The following PLA2G4A variants were observed in gnomAD, a reference collection of about 807,000 sequenced individuals.
PLA2G4A encodes phospholipase A2 group IVA, also known as cytosolic phospholipase A2.
Under a neutral mutation model 81.9 loss-of-function variants are expected in PLA2G4A, and 40 were observed. The ratio of observed to expected loss-of-function variants is 0.49; its 90% confidence interval spans 0.38 to 0.64. The LOEUF (loss-of-function observed/expected upper bound fraction) is 0.64, where lower values mean the gene tolerates loss of function less well. Ranked by LOEUF, PLA2G4A falls within the 30% of genes least tolerant of loss-of-function variation. The pLI is 0.00. For synonymous variants in PLA2G4A, 302 were observed against 296.9 expected, an observed-to-expected ratio of 1.02 and a Z score of -0.18; for missense variants, 715 against 905.1, an observed-to-expected ratio of 0.79 and a Z score of 2.69.
intron 3 of PLA2G4A, among the ~76,000 whole-genome samples, chr1:186,879,478 G>A (rs1462791127): frequency 6.6e-6 from 1 of 151,886 alleles, no homozygotes; most frequent in East Asian, 1.9e-4. Flanking sequence ...TTATAACAAA[G>A]AGGAAGCATT....
intron 3 of PLA2G4A, among the ~76,000 whole-genome samples, chr1:186,886,432 T>C (rs1421191272): frequency 2.0e-5 from 3 of 152,144 alleles, no homozygotes; most frequent in South Asian, 2.1e-4. Context: ...GCTTAGTACA[T>C]GGGTAGCGAA....
At chr1:186,971,660 T>C (rs1203092710) in intron 15 of PLA2G4A, among the ~76,000 whole-genome samples, 2 of 152,008 alleles carry the variant, frequency 1.3e-5, no homozygotes, top group Non-Finnish European at 2.9e-5. Context: ...AACCTATAAG[T>C]GTTGTTATCA....
chr1:186,909,386 C>G (rs1437581980), intron 6 of PLA2G4A, among the ~76,000 whole-genome samples: 1 of 150,522 alleles, frequency 6.6e-6, no homozygotes, highest in East Asian at 2.0e-4. Context: ...TTTGGCTGGG[C>G]GTGGTGGCTC....
chr1:186,965,497 G>C lies in PLA2G4A; in HGVS notation c.1668G>C (p.Leu556=). ...HVVDSGLTFN[L]PYPLILRPQR... ...TGGACAGTGGGCTCACATTTAACCTGCCGTATCCCTTGATACTGAGACCTC... is the reference window on the plus strand; with the variant it reads ...TGGACAGTGGGCTCACATTTAACCTCCCGTATCCCTTGATACTGAGACCTC... Residue 556 remains leucine (L), a synonymous_variant, in exon 15 of 18, where the codon CTG becomes CTC. Coordinates refer to ENST00000367466, the MANE Select transcript of PLA2G4A (RefSeq NM_024420.3). 1 of 1,611,502 alleles carries C rather than the reference G, an allele frequency of 6.2e-7. No individual in the cohort carries two copies. Among genetic ancestry groups the C allele is most frequent in the Non-Finnish European group, 8.5e-7 (1 of 1,177,602 alleles).
intron 3 of PLA2G4A, among the ~76,000 whole-genome samples, chr1:186,887,217 C>T (rs1653968209): frequency 6.6e-6 from 1 of 151,958 alleles, no homozygotes; most frequent in Non-Finnish European, 1.5e-5. Context: ...AGAATTGTAA[C>T]AAATTACTTG....
chr1:186,934,550 GCA>G (rs148144230), intron 8 of PLA2G4A, among the ~76,000 whole-genome samples: 31 of 149,116 alleles, frequency 2.1e-4, no homozygotes, highest in Admixed American at 1.6e-3. Flanking sequence ...TTTTAAATGT[GCA>G]CACACACACA....
chr1:186,974,224 C>A (rs1183679133), intron 15 of PLA2G4A, among the ~76,000 whole-genome samples: 1 of 151,976 alleles, frequency 6.6e-6, no homozygotes, highest in Non-Finnish European at 1.5e-5. Flanking sequence ...ATATTCATTT[C>A]TATGGTATTT....
chr1:186,918,580 G>A (rs1655230657), intron 7 of PLA2G4A, among the ~76,000 whole-genome samples: 2 of 152,164 alleles, frequency 1.3e-5, no homozygotes, highest in South Asian at 4.1e-4. Context: ...TTCTCCTTGT[G>A]AGTTGATGAA....
At chr1:186,857,519 T>C (rs1035383977) in intron 2 of PLA2G4A, among the ~76,000 whole-genome samples, 2 of 139,410 alleles carry the variant, frequency 1.4e-5, no homozygotes, top group Non-Finnish European at 3.0e-5. Flanking sequence ...ATATATAATA[T>C]AATATAACTA....
chr1:186,857,586 T>C (rs1398259520), intron 2 of PLA2G4A, among the ~76,000 whole-genome samples: 1 of 144,220 alleles, frequency 6.9e-6, no homozygotes, highest in Non-Finnish European at 1.5e-5. Context: ...ATATAAAATA[T>C]ATTATATATA....
chr1:186,956,319 T>C lies in PLA2G4A; in HGVS notation c.1554T>C (p.Asp518=). 6.2e-7 allele frequency: 1 copy of C among 1,613,886 alleles called. No homozygotes were observed. Among genetic ancestry groups the C allele is most frequent in the Non-Finnish European group, 8.5e-7 (1 of 1,179,784 alleles). Residue 518 remains aspartate, a synonymous_variant, in exon 14 of 18, where the codon GAT becomes GAC. Transcript: ENST00000367466. The stretch of plus-strand genomic sequence containing the variant: ...TTGCCACACAGGACTCCTTTGATGA[T>C]GATGAACTGGATGCAGCTGTAGCAG... ...SDFATQDSFD[D]DELDAAVADP...
intron 1 of PLA2G4A, among the ~76,000 whole-genome samples, chr1:186,846,093 C>T (rs1177965220): frequency 6.6e-6 from 1 of 152,156 alleles, no homozygotes; most frequent in African/African-American, 2.4e-5. Flanking sequence ...CAACTAGTTG[C>T]AGTAAGGTTT....
chr1:186,926,279 C>T (rs932007970), intron 7 of PLA2G4A, among the ~76,000 whole-genome samples: 1 of 152,154 alleles, frequency 6.6e-6, no homozygotes, highest in African/African-American at 2.4e-5. Context: ...AATAACTTTT[C>T]TGCAACAGAT....
intron 12 of PLA2G4A, among the ~76,000 whole-genome samples, chr1:186,947,911 A>G (rs1365597025): frequency 6.6e-6 from 1 of 152,176 alleles, no homozygotes; most frequent in African/African-American, 2.4e-5. Flanking sequence ...GAATGCTTGC[A>G]TACAAAAAGC....
intron 2 of PLA2G4A, among the ~76,000 whole-genome samples, chr1:186,868,235 C>T (rs562504907): frequency 9.9e-5 from 15 of 151,806 alleles, no homozygotes; most frequent in African/African-American, 2.2e-4. Flanking sequence ...CCACCATGCC[C>T]GGCTAATTTT....
At chr1:186,978,045 A>G (rs1228011927) in intron 16 of PLA2G4A, among the ~76,000 whole-genome samples, 1 of 152,214 alleles carries the variant, frequency 6.6e-6, no homozygotes, top group Non-Finnish European at 1.5e-5. Flanking sequence ...CTTTACTTCA[A>G]TACTTTGAAT....
chr1:186,977,033 G>A (rs142664234), intron 15 of PLA2G4A, among the ~76,000 whole-genome samples: 1 of 152,184 alleles, frequency 6.6e-6, no homozygotes, highest in East Asian at 1.9e-4. Context: ...GTCCTCTCTT[G>A]GCCGTTACAT....
chr1:186,893,999 T>A, intron 4 of PLA2G4A, 99 bp from the exon 5 acceptor site: 1 of 721,560 alleles, frequency 1.4e-6, no homozygotes, highest in Non-Finnish European at 2.6e-6. Flanking sequence ...TAAATATCAT[T>A]TGAGAGCTTC....
chr1:186,866,567 AT>A (rs1367192671), intron 2 of PLA2G4A, among the ~76,000 whole-genome samples: 2 of 152,172 alleles, frequency 1.3e-5, no homozygotes, highest in Non-Finnish European at 2.9e-5. Context: ...AGTCCTTATA[AT>A]AAAAACAATC....
Sources: gnomAD v4.1 joint callset for allele counts (sites outside exome capture counted in the v4.1 genomes callset) on GRCh38, gnomAD v4.1.1 for gene constraint, MANE v1.5 for transcripts, NCBI Gene and HGNC (gene_info 2026-07-23, HGNC 2026-07-21) for gene names.